Variants in PCF11 observed in about 807,000 individuals in gnomAD.
PCF11 encodes pre-mRNA cleavage complex 2 protein Pcf11.
PCF11 carries 19 observed loss-of-function variants against 166.1 expected under a neutral mutation model. The observed-to-expected ratio is 0.11, with a 90% CI of 0.08 to 0.17. The LOEUF (loss-of-function observed/expected upper bound fraction) is 0.17. PCF11 is among the 10% of genes least tolerant of loss of function. The probability of loss-of-function intolerance (pLI) is 1.00; values close to 1 mark genes in which losing one functional copy is unlikely to be tolerated. For missense variants in PCF11, 1,565 were observed against 1,855.5 expected, an observed-to-expected ratio of 0.84 and a Z score of 2.88; for synonymous variants, 663 against 644.1, an observed-to-expected ratio of 1.03 and a Z score of -0.44.
Position 83,157,644 on chromosome 11 carries a change from C to G in PCF11, c.192+13C>G. ...CCAAACCGCCAAGGTTTTTATACAC[C>G]CCGCAGCCTCCTATTACTTCTAATA... On this transcript the variant is annotated intron_variant, in intron 1 of 15. Coordinates refer to ENST00000298281, the Ensembl canonical transcript of PCF11. The G allele has an allele frequency of 1.2e-6, 2 of 1,609,522 alleles. No individual in the cohort carries two copies.
chr11:83,177,034 CT>C (rs1330929035), intron 9 of PCF11, 50 bp from the exon 10 acceptor site: 1 of 1,328,940 alleles, frequency 7.5e-7, no homozygotes, highest in African/African-American at 1.5e-5. Context: ...TCTTTAAGTT[CT>C]ACATTCACTT....
At chr11:83,158,517 C>T (rs1860093274) in intron 1 of PCF11, 1 of 152,202 alleles carries the variant, frequency 6.6e-6, no homozygotes. Flanking sequence ...TCCTCTGCCA[C>T]CTTATATTTC....
intron 9 of PCF11, among the ~76,000 whole-genome samples, chr11:83,172,665 C>G (rs1860729065): frequency 6.6e-6 from 1 of 152,182 alleles, no homozygotes; most frequent in Admixed American, 6.5e-5. Flanking sequence ...ATCTGCCCAC[C>G]TCAGCCTCCC....
chr11:83,172,614 C>T (rs1173976217), intron 9 of PCF11, among the ~76,000 whole-genome samples: 1 of 152,108 alleles, frequency 6.6e-6, no homozygotes, highest in Non-Finnish European at 1.5e-5. Flanking sequence ...CGGGGTTTCA[C>T]CATCTTGGCC....
chr11:83,181,155 A>G, exon 12 of PCF11: 1 of 1,611,512 alleles, frequency 6.2e-7, no homozygotes, highest in African/African-American at 1.3e-5. Flanking sequence ...ATGTTAGCCG[A>G]AAAGTCACTC....
chr11:83,174,951 G>C (rs951530087), intron 9 of PCF11, among the ~76,000 whole-genome samples: 1 of 152,210 alleles, frequency 6.6e-6, no homozygotes, highest in Non-Finnish European at 1.5e-5. Context: ...AGTTTGAACA[G>C]ACATTAATTA....
intron 8 of PCF11, among the ~76,000 whole-genome samples, chr11:83,170,695 T>G (rs1478850911): frequency 2.0e-5 from 3 of 152,250 alleles, no homozygotes; most frequent in African/African-American, 7.2e-5. Flanking sequence ...TGGTTTTGAA[T>G]GACTACTTTT....
At chr11:83,182,546 T>A in intron 14 of PCF11, 55 bp downstream of exon 14, 1 of 877,738 alleles carries the variant, frequency 1.1e-6, no homozygotes, top group Non-Finnish European at 1.9e-6. Flanking sequence ...TTTGTTGGGT[T>A]AACACATTAC....
intron 9 of PCF11, among the ~76,000 whole-genome samples, chr11:83,173,703 GTTTCTTTC>G (rs1469355176): frequency 1.2e-5 from 1 of 86,274 alleles, no homozygotes; most frequent in East Asian, 3.4e-4. Flanking sequence ...AAATTTTCTT[GTTTCTTTC>G]TTTCTTTCTT....
chr11:83,171,920 T>C lies in PCF11; in HGVS notation c.3757+6T>C. On this transcript the variant is annotated splice_donor_region_variant and intron_variant, in intron 9 of 15. Transcript: ENST00000298281. ...ATTTGTTCAGAATCCTTCAGGTATG[T>C]ACTTTCTGAACTTTGTTTTTCAAAA... 1 of 1,375,984 alleles carries C rather than the reference T, an allele frequency of 7.3e-7. No homozygotes were observed. Among genetic ancestry groups the C allele is most frequent in the Non-Finnish European group, 1.0e-6 (1 of 968,796 alleles). The allele number at this position is 1,375,984 out of a possible 1,614,324, so 85.2% of individuals were successfully genotyped here. A position where few individuals can be genotyped will look rare whatever the true frequency, so the allele number is the denominator to read the frequency against.
At chr11:83,160,567 C>G (rs1433891828) in intron 1 of PCF11, among the ~76,000 whole-genome samples, 1 of 151,874 alleles carries the variant, frequency 6.6e-6, no homozygotes, top group African/African-American at 2.4e-5. Context: ...CACACTGGCT[C>G]TGCACAAATT....
At chr11:83,160,500 A>G (rs1860204274) in intron 1 of PCF11, among the ~76,000 whole-genome samples, 1 of 152,036 alleles carries the variant, frequency 6.6e-6, no homozygotes, top group Admixed American at 6.6e-5. Flanking sequence ...TAGGCATTGC[A>G]GTTGAACTGG....
intron 9 of PCF11, among the ~76,000 whole-genome samples, chr11:83,175,598 AAAAG>A (rs1437816526): frequency 1.3e-5 from 2 of 152,076 alleles, no homozygotes; most frequent in African/African-American, 2.4e-5. Flanking sequence ...TAAAAATACA[AAAAG>A]AAATTAGCTG....
rs911594536 is a variant in PCF11, at chr11:83,167,331, T to G, written c.2001+23T>G. ...AAGGTAGTTACTATGATTAATCCCA[T>G]GTAGTCATCATTATCTATCGTCTAT... On this transcript the variant is annotated intron_variant, in intron 6 of 15. Transcript: ENST00000298281. The surrounding 1 kb of genome is among the most constrained non-coding windows in gnomAD (Gnocchi z 4.2). The G allele has an allele frequency of 2.5e-5, 39 of 1,577,058 alleles. No individual in the cohort carries two copies. The highest frequency in any genetic ancestry group is 3.2e-5 in the Non-Finnish European group (37 of 1,160,726).
At chr11:83,163,374 A>AT (rs1051447387) in intron 2 of PCF11, among the ~76,000 whole-genome samples, 14 of 150,986 alleles carry the variant, frequency 9.3e-5, no homozygotes, top group East Asian at 5.8e-4. Flanking sequence ...GTTGTCTTAC[A>AT]TTTTTTTTTC....
intron 9 of PCF11, among the ~76,000 whole-genome samples, chr11:83,175,744 ACT>A (rs762972625): frequency 7.9e-5 from 12 of 152,276 alleles, no homozygotes; most frequent in Non-Finnish European, 1.6e-4. Flanking sequence ...ACAGAGTGAG[ACT>A]CTGTCTCAAA....
chr11:83,169,399 G>A, exon 8 of PCF11: 1 of 1,613,850 alleles, frequency 6.2e-7, no homozygotes, highest in South Asian at 1.1e-5. Context: ...GAGAATTGAA[G>A]GGCCTCTGGG....
exon 1 of PCF11, chr11:83,157,175 C>G (rs1860017810): frequency 1.7e-6 from 1 of 574,124 alleles, no homozygotes; most frequent in Non-Finnish European, 3.1e-6. Context: ...GGAGCTGGAG[C>G]CGCCACTGCC....
At chr11:83,160,321 G>GTTTTTTTTTT (rs35201107) in intron 1 of PCF11, among the ~76,000 whole-genome samples, 13 of 91,266 alleles carry the variant, frequency 1.4e-4, no homozygotes, top group Non-Finnish European at 1.9e-4. Context: ...GATAACCTAA[G>GTTTTTTTTTT]TTTTTTTTTT....
Sources: allele counts gnomAD v4.1 joint callset (sites outside exome capture counted in the v4.1 genomes callset), GRCh38; gene constraint gnomAD v4.1.1; non-coding constraint Gnocchi (gnomAD v3.1); transcripts MANE v1.5; gene names NCBI Gene and HGNC (gene_info 2026-07-23, HGNC 2026-07-21).